The following SLC35E2B variants were observed in gnomAD, a reference collection of about 807,000 sequenced individuals.
SLC35E2B encodes the protein solute carrier family 35 member E2B.
Under a neutral mutation model 32.4 loss-of-function variants are expected in SLC35E2B, and 18 were observed. That is an observed-to-expected ratio of 0.56 (90% CI 0.38 to 0.82). The LOEUF (loss-of-function observed/expected upper bound fraction) is 0.82. SLC35E2B is among the 40% of genes least tolerant of loss of function. The probability of loss-of-function intolerance (pLI) is 0.00; values close to 1 mark genes in which losing one functional copy is unlikely to be tolerated. For missense variants in SLC35E2B, 263 were observed against 469.5 expected (o/e 0.56, Z 4.06); for synonymous variants, 132 against 209.1 (o/e 0.63, Z 3.18).
Position 1,688,230 on chromosome 1 carries a change from G to C in SLC35E2B, c.-148+2746C>G, listed in dbSNP as rs1238709771. On this transcript the variant is annotated intron_variant, in intron 2 of 9. Coordinates refer to ENST00000617444, the MANE Select transcript of SLC35E2B (RefSeq NM_001290264.2). ...TCAATCCATGATCATCAGAGTGACA[G>C]AATGAGAAGCCACCATCTGGCCACC... Among the ~76,000 whole-genome samples, 3 of 152,146 alleles carry C rather than the reference G, an allele frequency of 2.0e-5. No individual in the cohort carries two copies. The East Asian group carries it at 5.8e-4, about 29-fold the overall frequency.
At position 1,686,507 on chromosome 1, in the gene SLC35E2B, G is replaced by A. The variant is rs529680442; in HGVS notation, c.-148+4469C>T. ...AAATAAAAATGAAAAAAAGAGGCTG[G>A]GCACGGTGACTCACGCCTGTGATCC... On this transcript the variant is annotated intron_variant, in intron 2 of 9. Coordinates refer to ENST00000617444, the MANE Select transcript of SLC35E2B (RefSeq NM_001290264.2). Among the ~76,000 whole-genome samples, 10 of 152,102 alleles carry A rather than the reference G, an allele frequency of 6.6e-5. No homozygotes were observed. In the East Asian group the frequency reaches 1.2e-3, roughly 18 times the overall value.
At chr1:1,683,381 C>T (rs954117848) in intron 2 of SLC35E2B, among the ~76,000 whole-genome samples, 16 of 152,152 alleles carry the variant, frequency 1.1e-4, no homozygotes, top group Admixed American at 5.9e-4. Flanking sequence ...CCCACGACAC[C>T]CTCCTGAGGA....
intron 2 of SLC35E2B, among the ~76,000 whole-genome samples, chr1:1,684,033 C>T (rs950678609): frequency 6.6e-6 from 1 of 152,088 alleles, no homozygotes; most frequent in South Asian, 2.1e-4. Flanking sequence ...TTTGGAAGGC[C>T]GAGGAGGGAG....
chr1:1,686,735 C>A (rs1444629280), intron 2 of SLC35E2B, among the ~76,000 whole-genome samples: 3 of 151,690 alleles, frequency 2.0e-5, no homozygotes, highest in African/African-American at 7.3e-5. Flanking sequence ...CACCACACTC[C>A]AGCCTGGGCG....
At chr1:1,670,189 C>T (rs1270859015) in intron 6 of SLC35E2B, 38 bp from the exon 7 acceptor site, 1 of 1,440,408 alleles carries the variant, frequency 6.9e-7, no homozygotes. Flanking sequence ...CAATACTAGT[C>T]CTCGGCACGG....
chr1:1,681,601 G>A lies in SLC35E2B; in HGVS notation c.-147-4755C>T, dbSNP rs562917402. On this transcript the variant is annotated intron_variant, in intron 2 of 9. Coordinates refer to ENST00000617444, the MANE Select transcript of SLC35E2B (RefSeq NM_001290264.2). ...AGCTCACCGTAGCCCCCACTTCTTGGATTCAAGGGATTCGCATGCCTCAGC... is the reference window on the plus strand; with the variant it reads ...AGCTCACCGTAGCCCCCACTTCTTGAATTCAAGGGATTCGCATGCCTCAGC... 2.0e-5 allele frequency among the ~76,000 whole-genome samples: 3 copies of A among 151,412 alleles called. No individual in the cohort carries two copies. The South Asian group carries it at 6.3e-4, about 32-fold the overall frequency.
At chr1:1,674,892 G>T (rs540716230) in intron 5 of SLC35E2B, among the ~76,000 whole-genome samples, 21 of 152,226 alleles carry the variant, frequency 1.4e-4, no homozygotes, top group African/African-American at 5.1e-4. Flanking sequence ...TCTGCTCCTC[G>T]CTGGTTTTCA....
chr1:1,686,321 C>CTTTTTTTTTTTTTTTTT (rs375495225), intron 2 of SLC35E2B, among the ~76,000 whole-genome samples: 1 of 127,790 alleles, frequency 7.8e-6, no homozygotes, highest in Non-Finnish European at 1.6e-5. Context: ...CTTTTTTTTT[C>CTTTTTTTTTTTTTTTTT]TTTTTTTTTT....
intron 2 of SLC35E2B, among the ~76,000 whole-genome samples, chr1:1,682,535 G>T (rs1462859481): frequency 6.6e-6 from 1 of 152,100 alleles, no homozygotes; most frequent in Non-Finnish European, 1.5e-5. Flanking sequence ...AGACAGAAAC[G>T]CACGACTCGG....
chr1:1,684,964 G>A (rs1379138677), intron 2 of SLC35E2B, among the ~76,000 whole-genome samples: 4 of 151,408 alleles, frequency 2.6e-5, no homozygotes, highest in African/African-American at 4.9e-5. Context: ...AAAATTAGCC[G>A]GGCGTGGTGG....
intron 9 of SLC35E2B, among the ~76,000 whole-genome samples, chr1:1,666,832 G>A (rs575727350): frequency 1.1e-4 from 17 of 151,972 alleles, no homozygotes; most frequent in African/African-American, 2.2e-4. Flanking sequence ...GAGGCCGGGC[G>A]CCGTGGCTCA....
rs572167216 is a variant in SLC35E2B, at chr1:1,670,239, A to G, written c.708-88T>C. ...AAGGTGTCTGCGCTCACACGGAGCG[A>G]TGGCGACAATGACCAGACCTCAGTG... On this transcript the variant is annotated intron_variant, in intron 6 of 9. Coordinates refer to ENST00000617444, the MANE Select transcript of SLC35E2B (RefSeq NM_001290264.2). 3.1e-6 allele frequency: 3 copies of G among 955,700 alleles called. No individual in the cohort carries two copies. The East Asian group carries it at 7.9e-5, about 25-fold the overall frequency. 59.2% of individuals were successfully genotyped at this position (955,700 alleles called of 1,614,324 possible). A position where few individuals can be genotyped will look rare whatever the true frequency, so the allele number is the denominator to read the frequency against.
At chr1:1,678,392 C>T (rs181342357) in intron 2 of SLC35E2B, among the ~76,000 whole-genome samples, 24 of 152,194 alleles carry the variant, frequency 1.6e-4, no homozygotes, top group African/African-American at 4.8e-4. Flanking sequence ...CGGGAACAGG[C>T]GCTTCTGCCC....
intron 2 of SLC35E2B, among the ~76,000 whole-genome samples, chr1:1,684,511 G>A (rs1643927833): frequency 6.6e-6 from 1 of 152,082 alleles, no homozygotes; most frequent in South Asian, 2.1e-4. Context: ...ATCCCAGGAG[G>A]CTGGGCACAG....
At position 1,665,344 on chromosome 1, in the gene SLC35E2B, C is replaced by T. The variant is rs1643513604; in HGVS notation, c.*438G>A. The T allele has an allele frequency of 2.0e-5, 8 of 405,184 alleles. No homozygotes were observed. The East Asian group carries it at 3.0e-4, about 15-fold the overall frequency. 25.1% of individuals were successfully genotyped at this position (405,184 alleles called of 1,614,324 possible). ...CTGCTCTGTGGCCTCATGCCCAGGG[C>T]CAGTCTGCCGCCGGTCCAGGGCCTC... On this transcript the variant is annotated 3_prime_UTR_variant, in exon 10 of 10. Coordinates refer to ENST00000617444, the MANE Select transcript of SLC35E2B (RefSeq NM_001290264.2).
chr1:1,688,893 C>T (rs1162366631), intron 2 of SLC35E2B, among the ~76,000 whole-genome samples: 9 of 151,636 alleles, frequency 5.9e-5, no homozygotes, highest in Admixed American at 1.3e-4. Context: ...ACCTCGAGGT[C>T]GGGCGCGGTG....
intron 2 of SLC35E2B, among the ~76,000 whole-genome samples, chr1:1,685,333 G>C (rs1257220156): frequency 2.0e-5 from 3 of 146,346 alleles, no homozygotes; most frequent in Non-Finnish European, 3.0e-5. Context: ...GGGACTGCTT[G>C]AGTCTGGGAG....
intron 5 of SLC35E2B, among the ~76,000 whole-genome samples, chr1:1,673,843 G>C (rs1476178205): frequency 2.0e-5 from 3 of 150,044 alleles, no homozygotes; most frequent in African/African-American, 4.9e-5. Context: ...GGCGCCTGTA[G>C]TCCCAGCTAC....
chr1:1,689,378 G>A (rs1458248406), intron 2 of SLC35E2B, among the ~76,000 whole-genome samples: 17 of 151,782 alleles, frequency 1.1e-4, no homozygotes, highest in Admixed American at 4.6e-4. Context: ...TGGAGGGTCC[G>A]AAGCACTCTC....
Sources: gnomAD v4.1 joint callset for allele counts (sites outside exome capture counted in the v4.1 genomes callset) on GRCh38, gnomAD v4.1.1 for gene constraint, MANE v1.5 for transcripts, NCBI Gene and HGNC (gene_info 2026-07-23, HGNC 2026-07-21) for gene names.